Variants in INPP4B observed in about 807,000 individuals in gnomAD.
The protein encoded by INPP4B is inositol polyphosphate 4-phosphatase type II.
Under a neutral mutation model 122.5 loss-of-function variants are expected in INPP4B, and 55 were observed. The ratio of observed to expected loss-of-function variants is 0.45; its 90% CI spans 0.36 to 0.56. The LOEUF is 0.56. Among genes scored for constraint, INPP4B ranks in the 20% least tolerant of loss-of-function variants. INPP4B has a pLI of 0.00. For missense variants in INPP4B, 1,000 were observed against 1,097.7 expected (o/e 0.91, Z 1.26); for synonymous variants, 403 against 388.7 (o/e 1.04, Z -0.43).
At chr4:142,517,058 G>C (rs2149897075) in intron 2 of INPP4B, among the ~76,000 whole-genome samples, 1 of 150,914 alleles carries the variant, frequency 6.6e-6, no homozygotes, top group East Asian at 1.9e-4. Context: ...TCTTGATCTA[G>C]TTTGCATATG....
At chr4:142,624,805 TG>T (rs1745928216) in intron 2 of INPP4B, among the ~76,000 whole-genome samples, 1 of 152,174 alleles carries the variant, frequency 6.6e-6, no homozygotes, top group South Asian at 2.1e-4. Context: ...GCTTCATCCC[TG>T]GGATGCAAGG....
intron 7 of INPP4B, among the ~76,000 whole-genome samples, chr4:142,353,180 C>G (rs1579823047): frequency 2.0e-5 from 3 of 152,092 alleles, no homozygotes; most frequent in East Asian, 1.9e-4. Flanking sequence ...AGTCTACTTT[C>G]ATCTTATTAA....
chr4:142,411,388 CTTCT>C (rs1313349214), intron 5 of INPP4B, among the ~76,000 whole-genome samples: 3 of 152,180 alleles, frequency 2.0e-5, no homozygotes, highest in African/African-American at 7.2e-5. Flanking sequence ...GCTAATAAAG[CTTCT>C]TTTTCTTGCA....
At chr4:142,640,610 A>G (rs1750174901) in intron 2 of INPP4B, among the ~76,000 whole-genome samples, 1 of 152,126 alleles carries the variant, frequency 6.6e-6, no homozygotes, top group African/African-American at 2.4e-5. Context: ...ACATAAAGAA[A>G]TTAGAGATAA....
intron 1 of INPP4B, among the ~76,000 whole-genome samples, chr4:142,780,008 C>T (rs1774559170): frequency 1.3e-5 from 2 of 151,988 alleles, no homozygotes; most frequent in East Asian, 3.9e-4. Context: ...GAAGATGTGT[C>T]CAAATCGCAG....
At chr4:142,179,939 C>T (rs1172980197) in intron 15 of INPP4B, among the ~76,000 whole-genome samples, 4 of 152,090 alleles carry the variant, frequency 2.6e-5, no homozygotes, top group Non-Finnish European at 5.9e-5. Context: ...GGAGATAATA[C>T]CCAAACCTGG....
intron 19 of INPP4B, among the ~76,000 whole-genome samples, chr4:142,124,113 C>G (rs1417882079): frequency 6.6e-6 from 1 of 151,974 alleles, no homozygotes; most frequent in Non-Finnish European, 1.5e-5. Context: ...CCTATTCGAG[C>G]CTTACTGCCC....
intron 25 of INPP4B, among the ~76,000 whole-genome samples, chr4:142,058,515 A>G (rs796674881): frequency 1.3e-5 from 2 of 152,250 alleles, no homozygotes; most frequent in African/African-American, 2.4e-5. Flanking sequence ...AAAAGCACAC[A>G]GTAGTACAAG....
At chr4:142,394,303 G>A (rs990162058) in intron 7 of INPP4B, among the ~76,000 whole-genome samples, 4 of 152,040 alleles carry the variant, frequency 2.6e-5, no homozygotes, top group East Asian at 1.9e-4. Context: ...CTGTCACCAC[G>A]CCCGGCTGAT....
intron 2 of INPP4B, among the ~76,000 whole-genome samples, chr4:142,525,988 T>G (rs1459564887): frequency 6.6e-6 from 1 of 152,110 alleles, no homozygotes; most frequent in Admixed American, 6.6e-5. Context: ...GCTTTTAGCT[T>G]TAAGTATCTG....
chr4:142,791,329 C>A (rs1776535316), intron 1 of INPP4B, among the ~76,000 whole-genome samples: 1 of 152,064 alleles, frequency 6.6e-6, no homozygotes, highest in Non-Finnish European at 1.5e-5. Flanking sequence ...TTCATTTCAG[C>A]AATTTTCCAG....
intron 5 of INPP4B, among the ~76,000 whole-genome samples, chr4:142,426,149 T>G (rs780120623): frequency 6.6e-6 from 1 of 152,004 alleles, no homozygotes; most frequent in Admixed American, 6.6e-5. Flanking sequence ...GAAGACATAT[T>G]CTCATAAGCA....
At chr4:142,448,968 G>A (rs1244936553) in intron 3 of INPP4B, among the ~76,000 whole-genome samples, 4 of 152,280 alleles carry the variant, frequency 2.6e-5, no homozygotes, top group Middle Eastern at 3.4e-3. Context: ...GATAATTCCC[G>A]TCAGGGCAAT....
chr4:142,642,307 A>C (rs1050829930), intron 2 of INPP4B, among the ~76,000 whole-genome samples: 2 of 152,144 alleles, frequency 1.3e-5, no homozygotes, highest in Non-Finnish European at 2.9e-5. Flanking sequence ...TTTTGTTGCC[A>C]TTGCTTTTGG....
At chr4:142,763,830 T>C (rs1396818970) in intron 1 of INPP4B, among the ~76,000 whole-genome samples, 1 of 152,122 alleles carries the variant, frequency 6.6e-6, no homozygotes, top group South Asian at 2.1e-4. Context: ...TGTAAAAATT[T>C]TTTTAAAAAA....
intron 16 of INPP4B, among the ~76,000 whole-genome samples, chr4:142,171,786 A>T (rs1057214318): frequency 4.6e-5 from 7 of 151,870 alleles, no homozygotes; most frequent in African/African-American, 1.7e-4. Flanking sequence ...TAGGGGAAAA[A>T]GTTGGAGCAA....
chr4:142,579,954 T>C (rs1734716259), intron 2 of INPP4B, among the ~76,000 whole-genome samples: 1 of 151,592 alleles, frequency 6.6e-6, no homozygotes, highest in Admixed American at 6.6e-5. Context: ...TGCTTCTGTT[T>C]CTCTGGGAAA....
At chr4:142,578,428 C>T (rs1734305043) in intron 2 of INPP4B, among the ~76,000 whole-genome samples, 2 of 151,920 alleles carry the variant, frequency 1.3e-5, no homozygotes, top group South Asian at 4.1e-4. Context: ...GAAATTTATC[C>T]TCTCATAGTT....
intron 11 of INPP4B, among the ~76,000 whole-genome samples, chr4:142,251,991 T>C (rs968108480): frequency 1.3e-5 from 2 of 152,202 alleles, no homozygotes; most frequent in Non-Finnish European, 2.9e-5. Flanking sequence ...CCACAGCCTA[T>C]CGCTTATGAG....
Sources: allele counts gnomAD v4.1 joint callset (sites outside exome capture counted in the v4.1 genomes callset), GRCh38; gene constraint gnomAD v4.1.1; transcripts MANE v1.5; gene names NCBI Gene and HGNC (gene_info 2026-07-23, HGNC 2026-07-21).